Variants in FLT4 observed in about 807,000 individuals in gnomAD.
FLT4 encodes the protein vascular endothelial growth factor receptor 3.
FLT4 carries 30 observed loss-of-function variants against 163.2 expected under a neutral mutation model. The observed-to-expected ratio is 0.18, with a 90% confidence interval of 0.14 to 0.25. The LOEUF is 0.25. Ranked by LOEUF, FLT4 falls within the 10% of genes least tolerant of loss-of-function variation. The pLI is 1.00. For missense variants in FLT4, 1,510 were observed against 1,863.8 expected (o/e 0.81, Z 3.50); for synonymous variants, 884 against 789.5 (o/e 1.12, Z -2.01).
rs1448080273 is a variant in FLT4, at chr5:180,621,637, C to T, written c.1925G>A (p.Arg642His). ...RHATLSLSIPRVAPEHEGHYV... is the reference protein window; with the variant it reads ...RHATLSLSIPHVAPEHEGHYV... ...GTGGCCCTCGTGCTCGGGCGCGACG[C>T]GGGGGATACTCAGGCTGAGCGTGGC... The change falls in exon 13 of 30, where the codon CGC (arginine) becomes CAC (histidine). Residue 642 changes from arginine (R) to histidine (H), a missense_variant. Arg to His is a conservative substitution (Grantham distance 29). This residue lies in a region of FLT4 where 878 missense variants were observed against 1,016.7 expected (regional missense o/e 0.86). Coordinates refer to ENST00000261937, the MANE Select transcript of FLT4 (RefSeq NM_182925.5). 3 of 1,606,358 alleles carry T rather than the reference C, an allele frequency of 1.9e-6. No individual in the cohort carries two copies. Among genetic ancestry groups the T allele is most frequent in the Non-Finnish European group, 2.6e-6 (3 of 1,175,172 alleles).
chr5:180,648,883 C>T (rs1461881290), intron 1 of FLT4, among the ~76,000 whole-genome samples: 1 of 152,230 alleles, frequency 6.6e-6, no homozygotes, highest in Non-Finnish European at 1.5e-5. Flanking sequence ...CGCGATTCGC[C>T]TCCTCAAGAT....
rs4312841 is a variant in FLT4 at position 180,607,374 on chromosome 5, G to A, written c.3893+1594C>T. ...AACAGTGGCCGGGCGCGGTGGCTCA[G>A]GCCTGTAATCCCAGCACTTTGGGAG... is the stretch of plus-strand genomic sequence containing the variant. On this transcript the variant is annotated intron_variant, in intron 29 of 29. Coordinates refer to ENST00000261937, the MANE Select transcript of FLT4 (RefSeq NM_182925.5). 6.2e-3 allele frequency among the ~76,000 whole-genome samples: 940 copies of A among 151,944 alleles called. 14 individuals are homozygous for A. The highest frequency in any genetic ancestry group is 0.022 in the African/African-American group (907 of 41,444).
Position 180,602,995 on chromosome 5 carries a change from CCA to C in FLT4, c.*195_*196del. ...CGGGGCAGCTGGAGCGTGGCCCTGGCCAGTCGTGGTGACGGAATTCCGGGAGC... is the reference window on the plus strand; with the variant it reads ...CGGGGCAGCTGGAGCGTGGCCCTGGCGTCGTGGTGACGGAATTCCGGGAGC... On this transcript the variant is annotated 3_prime_UTR_variant, in exon 30 of 30. Transcript: ENST00000261937. 1 of 626,076 alleles carries C rather than the reference CCA, an allele frequency of 1.6e-6. No homozygotes were observed. Among genetic ancestry groups the C allele is most frequent in the Non-Finnish European group, 2.8e-6 (1 of 352,416 alleles). 38.8% of individuals were successfully genotyped at this position (626,076 alleles called of 1,614,324 possible). A position where few individuals can be genotyped will look rare whatever the true frequency, so the allele number is the denominator to read the frequency against.
At chr5:180,621,430 G>T (rs1162525438) in intron 13 of FLT4, 112 bp downstream of exon 13, 5 of 1,489,748 alleles carry the variant, frequency 3.4e-6, no homozygotes, top group Non-Finnish European at 4.5e-6. Flanking sequence ...GGTAGCTCCT[G>T]CAGGCCAGGG....
chr5:180,632,236 G>T (rs979267100), intron 1 of FLT4, among the ~76,000 whole-genome samples: 1 of 138,288 alleles, frequency 7.2e-6, no homozygotes, highest in African/African-American at 2.5e-5. Context: ...CCCGAACCAC[G>T]CAGGCCTCGC....
chr5:180,615,779 GC>G (rs11336111), intron 23 of FLT4, among the ~76,000 whole-genome samples: 92 of 5,998 alleles, frequency 0.015, 16 homozygotes, highest in East Asian at 0.022. Flanking sequence ...GGAGCACTGG[GC>G]CCCGCCGGTC....
intron 24 of FLT4, chr5:180,613,716 C>T (rs1368147040): frequency 1.2e-5 from 5 of 400,858 alleles, no homozygotes; most frequent in African/African-American, 4.1e-5. Context: ...TCATCATGCT[C>T]GCAGCGGGGC....
At chr5:180,613,744 G>C in intron 24 of FLT4, 1 of 434,550 alleles carries the variant, frequency 2.3e-6, no homozygotes. Flanking sequence ...CCCACATGGA[G>C]CTCTTGGAGC....
chr5:180,619,721 G>A lies in FLT4; in HGVS notation c.2591C>T (p.Ala864Val). ...GAFGKVVEAS[A>V]FGIHKGSSCD... ...GCTGCTGCCCTTGTGGATGCCGAAA[G>A]CGGAGGCTTCCACCACCTTCCCGAA... The change falls in exon 18 of 30, where the codon GCT (alanine) becomes GTT (valine). Residue 864 changes from alanine to valine, a missense_variant. Physicochemically the swap from Ala to Val is moderately conservative, Grantham distance 64. Around this residue, in one of 5 missense-constraint regions of FLT4, gnomAD observed 878 missense variants for 1,016.7 expected, o/e 0.86. Transcript: ENST00000261937. The A allele has an allele frequency of 6.2e-7, 1 of 1,612,664 alleles. No individual in the cohort carries two copies. Among genetic ancestry groups the A allele is most frequent in the Admixed American group, 1.7e-5 (1 of 60,034 alleles).
intron 18 of FLT4, 48 bp downstream of exon 18, chr5:180,619,617 G>C: frequency 4.1e-6 from 6 of 1,464,134 alleles, no homozygotes; most frequent in South Asian, 1.1e-5. Flanking sequence ...ACCCCGAGCT[G>C]CTGCTCCTCA....
At chr5:180,645,952 A>G (rs1765469956) in intron 1 of FLT4, among the ~76,000 whole-genome samples, 1 of 152,146 alleles carries the variant, frequency 6.6e-6, no homozygotes, top group African/African-American at 2.4e-5. Flanking sequence ...GACGTGGGGC[A>G]CAGGCTAGGC....
At position 180,620,644 on chromosome 5, in the gene FLT4, C is replaced by T. The variant is rs760931332; in HGVS notation, c.2371G>A (p.Val791Ile). The T allele has an allele frequency of 1.9e-6, 3 of 1,613,250 alleles. No individual in the cohort carries two copies. Among genetic ancestry groups the T allele is most frequent in the African/African-American group, 1.3e-5 (1 of 74,878 alleles). The part of the protein sequence containing the change: ...GTGVIAVFFW[V>I]LLLLIFCNMR... ...TTACAGAAGATGAGGAGGAGGAGGA[C>T]CCAGAAGAAGACAGCGATGACGCCG... Residue 791 changes from valine to isoleucine, a missense_variant, in exon 16 of 30, where the codon GTC (valine) becomes ATC (isoleucine). Val to Ile is a conservative substitution (Grantham distance 29, BLOSUM62 3). Transcript: ENST00000261937. This position sits in a 1 kb window ranked among gnomAD's most constrained non-coding sequence, Gnocchi z 4.4.
chr5:180,638,981 G>GAATGAAAAA (rs2127857811), intron 1 of FLT4, among the ~76,000 whole-genome samples: 1 of 117,312 alleles, frequency 8.5e-6, no homozygotes, highest in South Asian at 2.9e-4. Flanking sequence ...AACACTCGTT[G>GAATGAAAAA]AATGAAAAAA....
At chr5:180,612,067 C>A (rs186796238) in intron 26 of FLT4, among the ~76,000 whole-genome samples, 94 of 152,298 alleles carry the variant, frequency 6.2e-4, no homozygotes, top group African/African-American at 2.2e-3. Context: ...GGTCACAAGC[C>A]GGCTCCATCC....
At position 180,613,474 on chromosome 5, in the gene FLT4, GC is replaced by G. The variant is rs1408357089; in HGVS notation, c.3332-365del. 174 of 276,446 alleles carry G rather than the reference GC, an allele frequency of 6.3e-4. 1 individual carries two copies. Among genetic ancestry groups the G allele is most frequent in the African/African-American group, 2.9e-3 (130 of 45,138 alleles). The allele number at this position is 276,446 out of a possible 1,614,324, so 17.1% of individuals were successfully genotyped here. A position where few individuals can be genotyped will look rare whatever the true frequency, so the allele number is the denominator to read the frequency against. ...TCTCTTGCTTCTCGCTGCTTCTCCT[GC>G]TGCTCCCCCCAACCCCTGCTGCTCC... On this transcript the variant is annotated intron_variant, in intron 24 of 29. Transcript: ENST00000261937.
At chr5:180,642,167 A>G (rs1267369031) in intron 1 of FLT4, among the ~76,000 whole-genome samples, 1 of 151,036 alleles carries the variant, frequency 6.6e-6, no homozygotes, top group Non-Finnish European at 1.5e-5. Context: ...AGATCGCGCC[A>G]CTGCACTCCA....
chr5:180,603,369 A>T lies in FLT4; in HGVS notation c.3915T>A (p.Asn1305Lys), dbSNP rs1182443829. The stretch of plus-strand genomic sequence containing the variant: ...CAGGGTGTGCCCTGGTCACAGCCAC[A>T]TTCTGGCCAGGTCCTTTACAGCTGC... ...SGFSCKGPGQNVAVTRAHPDS... is the reference protein window; with the variant it reads ...SGFSCKGPGQKVAVTRAHPDS... The change falls in exon 30 of 30, where the codon AAT becomes AAA. Residue 1305 changes from asparagine (N) to lysine (K), a missense_variant. By Grantham distance (94) the Asn-to-Lys change is moderately conservative. Around this residue, in one of 5 missense-constraint regions of FLT4, gnomAD observed 295 missense variants for 311.0 expected, o/e 0.95. Coordinates refer to ENST00000261937, the MANE Select transcript of FLT4 (RefSeq NM_182925.5). The T allele has an allele frequency of 6.2e-7, 1 of 1,614,108 alleles. No individual in the cohort carries two copies. Among genetic ancestry groups the T allele is most frequent in the Non-Finnish European group, 8.5e-7 (1 of 1,179,996 alleles).
At chr5:180,642,631 T>C (rs971813965) in intron 1 of FLT4, among the ~76,000 whole-genome samples, 15 of 152,156 alleles carry the variant, frequency 9.9e-5, no homozygotes, top group African/African-American at 3.6e-4. Context: ...ACAGCTCTCC[T>C]GGGCTCCAGT....
chr5:180,643,031 C>T (rs1396648899), intron 1 of FLT4, among the ~76,000 whole-genome samples: 2 of 152,186 alleles, frequency 1.3e-5, no homozygotes, highest in Non-Finnish European at 2.9e-5. Context: ...AACACATGAC[C>T]GTTAAGATAT....
Sources: gnomAD v4.1 joint callset for allele counts (sites outside exome capture counted in the v4.1 genomes callset) on GRCh38, gnomAD v4.1.1 for gene constraint, gnomAD v4.1.1 regional missense constraint, Gnocchi (gnomAD v3.1) non-coding constraint, MANE v1.5 for transcripts, NCBI Gene and HGNC (gene_info 2026-07-23, HGNC 2026-07-21) for gene names.